NCAM2: variants seen among roughly 807,000 people sequenced by gnomAD.
NCAM2 encodes neural cell adhesion molecule 2.
A neutral mutation model predicts 98.1 loss-of-function variants in NCAM2; 30 were observed. That is an observed-to-expected ratio of 0.31 (90% confidence interval 0.23 to 0.41). The LOEUF is 0.41. NCAM2 is among the 10% of genes least tolerant of loss of function. The probability of loss-of-function intolerance (pLI) is 1.00; values close to 1 mark genes in which losing one functional copy is unlikely to be tolerated. For missense variants in NCAM2, 867 were observed against 1,005.8 expected, an observed-to-expected ratio of 0.86 and a Z score of 1.87; for synonymous variants, 368 against 342.4, an observed-to-expected ratio of 1.07 and a Z score of -0.83.
At chr21:21,302,843 A>G (rs1034531791) in intron 5 of NCAM2, among the ~76,000 whole-genome samples, 1 of 152,172 alleles carries the variant, frequency 6.6e-6, no homozygotes, top group Admixed American at 6.6e-5. Flanking sequence ...CACACATGGA[A>G]TCAACCTAGA....
At chr21:21,280,191 G>A (rs2072877799) in intron 1 of NCAM2, among the ~76,000 whole-genome samples, 1 of 149,776 alleles carries the variant, frequency 6.7e-6, no homozygotes. Context: ...TGTGTGTGTA[G>A]TTGTTGTAAT....
At chr21:21,212,717 G>A (rs577536390) in intron 1 of NCAM2, among the ~76,000 whole-genome samples, 1 of 149,182 alleles carries the variant, frequency 6.7e-6, no homozygotes, top group South Asian at 2.1e-4. Flanking sequence ...TCTTATATTG[G>A]TATGTAAATC....
At chr21:21,154,525 C>G (rs910097490) in intron 1 of NCAM2, among the ~76,000 whole-genome samples, 3 of 151,446 alleles carry the variant, frequency 2.0e-5, no homozygotes, top group Non-Finnish European at 3.0e-5. Flanking sequence ...CTCATATTTT[C>G]TTTAAAATAC....
At chr21:21,048,931 T>G (rs1748466535) in intron 1 of NCAM2, among the ~76,000 whole-genome samples, 1 of 152,052 alleles carries the variant, frequency 6.6e-6, no homozygotes, top group Admixed American at 6.5e-5. Flanking sequence ...GTAGCTCTCA[T>G]AAGATAATCA....
In NCAM2 at chr21:21,479,841, T is replaced by C. The variant is rs149126833; in HGVS notation, c.2077+2370T>C. ...GTTTATATTCCCAGATTTGTTCCTG[T>C]CACATAACTTGTCAAAATAACTGTT... On this transcript the variant is annotated intron_variant, in intron 15 of 17. Coordinates refer to ENST00000400546, the MANE Select transcript of NCAM2 (RefSeq NM_004540.5). 7.2e-3 allele frequency among the ~76,000 whole-genome samples: 1,101 copies of C among 152,062 alleles called. 10 individuals are homozygous for C. Among genetic ancestry groups the C allele is most frequent in the African/African-American group, 0.025 (1,057 of 41,522 alleles).
At chr21:21,412,430 G>A (rs1175645366) in intron 10 of NCAM2, among the ~76,000 whole-genome samples, 1 of 109,702 alleles carries the variant, frequency 9.1e-6, no homozygotes, top group Non-Finnish European at 2.2e-5. Context: ...TCAGTCCATA[G>A]AAAGTAGATT....
At position 21,024,383 on chromosome 21, in the gene NCAM2, T is replaced by TG. The variant is rs199841222; in HGVS notation, c.55+25773dup. 3.9e-3 allele frequency among the ~76,000 whole-genome samples: 585 copies of TG among 151,592 alleles called. 1 individual carries two copies. Among genetic ancestry groups the TG allele is most frequent in the Middle Eastern group, 0.014 (4 of 292 alleles). On this transcript the variant is annotated intron_variant, in intron 1 of 17. Transcript: ENST00000400546. ...AGGTTTTGTGTTCTCCAAGAAATCC[T>TG]GGGGGGGGAAAAAACAGAGAAAATT...
intron 1 of NCAM2, among the ~76,000 whole-genome samples, chr21:21,132,602 C>G (rs899071568): frequency 6.6e-6 from 1 of 152,156 alleles, no homozygotes; most frequent in Non-Finnish European, 1.5e-5. Context: ...TCCCTACACA[C>G]ATTAAAATAA....
chr21:21,057,369 G>A (rs1194199283), intron 1 of NCAM2, among the ~76,000 whole-genome samples: 1 of 152,092 alleles, frequency 6.6e-6, no homozygotes, highest in African/African-American at 2.4e-5. Context: ...TGCTTTCACA[G>A]CATGAGATTA....
intron 1 of NCAM2, among the ~76,000 whole-genome samples, chr21:21,219,152 A>AT (rs936962924): frequency 7.2e-5 from 11 of 152,034 alleles, no homozygotes; most frequent in African/African-American, 2.7e-4. Flanking sequence ...ATATTATGAG[A>AT]TTTTTTCTTT....
intron 1 of NCAM2, among the ~76,000 whole-genome samples, chr21:21,253,165 C>G (rs962459716): frequency 3.9e-5 from 6 of 152,152 alleles, no homozygotes; most frequent in Non-Finnish European, 7.3e-5. Context: ...TCACACTTTG[C>G]TTATGCACTT....
rs1483812301 is a variant in NCAM2, at chr21:21,509,054, C to T, written c.2281C>T (p.Leu761=). ...ACTCGAAGAAGGAAAAGCTGCATACCTGTGAGTATCAGGCATCTACATCAT... is the reference window on the plus strand; with the variant it reads ...ACTCGAAGAAGGAAAAGCTGCATACTTGTGAGTATCAGGCATCTACATCAT... ...KELEEGKAAY[L]KDGSKEPIVE... is the part of the protein sequence containing the mutation. Residue 761 remains leucine, a splice_region_variant and synonymous_variant, in exon 16 of 18, where the codon CTG becomes TTG. Transcript: ENST00000400546. The T allele has an allele frequency of 1.9e-6, 3 of 1,613,116 alleles. No individual in the cohort carries two copies. In the Admixed American group the frequency reaches 5.0e-5, roughly 27 times the overall value.
At chr21:21,502,707 CCAAT>C (rs989216525) in intron 15 of NCAM2, among the ~76,000 whole-genome samples, 4 of 152,032 alleles carry the variant, frequency 2.6e-5, no homozygotes, top group East Asian at 3.9e-4. Context: ...ATCATCAACA[CCAAT>C]CAGAGTTATT....
At chr21:21,230,979 A>T (rs992873138) in intron 1 of NCAM2, among the ~76,000 whole-genome samples, 1 of 151,384 alleles carries the variant, frequency 6.6e-6, no homozygotes, top group African/African-American at 2.4e-5. Flanking sequence ...GGGAAATTAT[A>T]ACGTATTTCC....
At chr21:21,195,779 A>G (rs1277282122) in intron 1 of NCAM2, among the ~76,000 whole-genome samples, 1 of 152,172 alleles carries the variant, frequency 6.6e-6, no homozygotes, top group Non-Finnish European at 1.5e-5. Flanking sequence ...TGTAATGCAC[A>G]CTCCAAAGTG....
At chr21:21,412,272 G>T (rs1031551610) in intron 10 of NCAM2, among the ~76,000 whole-genome samples, 1 of 152,104 alleles carries the variant, frequency 6.6e-6, no homozygotes, top group Non-Finnish European at 1.5e-5. Flanking sequence ...TCCTTTTCTT[G>T]TAAGGATACC....
intron 9 of NCAM2, among the ~76,000 whole-genome samples, chr21:21,374,549 A>T (rs1376212798): frequency 2.0e-5 from 3 of 152,016 alleles, no homozygotes; most frequent in Admixed American, 1.3e-4. Context: ...AAATAAATTT[A>T]AAAATGTACA....
chr21:21,103,772 CAAAT>C (rs774749479), intron 1 of NCAM2, among the ~76,000 whole-genome samples: 22 of 152,072 alleles, frequency 1.4e-4, no homozygotes, highest in Non-Finnish European at 2.9e-4. Context: ...TGTCATGAAA[CAAAT>C]AGAGTTTTTG....
At chr21:21,294,404 A>G (rs1338881620) in intron 5 of NCAM2, among the ~76,000 whole-genome samples, 2 of 151,840 alleles carry the variant, frequency 1.3e-5, no homozygotes, top group East Asian at 3.9e-4. Flanking sequence ...GCCATTTCTG[A>G]TCAATCATGC....
Sources: allele counts gnomAD v4.1 joint callset (sites outside exome capture counted in the v4.1 genomes callset), GRCh38; gene constraint gnomAD v4.1.1; transcripts MANE v1.5; gene names NCBI Gene and HGNC (gene_info 2026-07-23, HGNC 2026-07-21).